Variants in CACNB4 observed in about 807,000 individuals in gnomAD.
CACNB4 encodes calcium voltage-gated channel auxiliary subunit beta 4, also known as voltage-dependent L-type calcium channel subunit beta-4.
A neutral mutation model predicts 71.2 loss-of-function variants in CACNB4; 32 were observed. The ratio of observed to expected loss-of-function variants is 0.45; its 90% CI spans 0.34 to 0.60. The LOEUF (loss-of-function observed/expected upper bound fraction) is 0.60. CACNB4 is among the 20% of genes least tolerant of loss of function. CACNB4 has a pLI of 0.01. For synonymous variants in CACNB4, 231 were observed against 236.9 expected (o/e 0.97, Z 0.23); for missense variants, 464 against 647.9 (o/e 0.72, Z 3.08).
At chr2:151,849,913 T>C (rs1048878915) in intron 12 of CACNB4, among the ~76,000 whole-genome samples, 2 of 152,124 alleles carry the variant, frequency 1.3e-5, no homozygotes, top group African/African-American at 4.8e-5. Flanking sequence ...TCTACGAAGT[T>C]TGATTGGAAC....
intron 2 of CACNB4, among the ~76,000 whole-genome samples, chr2:151,907,982 A>C (rs1519706): frequency 0.95 from 145,299 of 152,264 alleles, 69,696 homozygotes; most frequent in East Asian, 1. Context: ...GGGTCACAGG[A>C]GGATTGAAAG....
intron 2 of CACNB4, among the ~76,000 whole-genome samples, chr2:151,999,376 G>GTTTTTT (rs5835398): frequency 3.4e-5 from 5 of 147,544 alleles, no homozygotes; most frequent in Non-Finnish European, 4.5e-5. Flanking sequence ...CCCTGTTATG[G>GTTTTTT]TTTTTTTTTT....
chr2:151,910,033 C>T (rs546658394), intron 2 of CACNB4, among the ~76,000 whole-genome samples: 81 of 152,330 alleles, frequency 5.3e-4, no homozygotes, highest in South Asian at 2.1e-4. Context: ...TCCACAGCCT[C>T]GCCAGCATCT....
chr2:151,860,618 G>T, intron 10 of CACNB4, 93 bp downstream of exon 10: 1 of 867,368 alleles, frequency 1.2e-6, no homozygotes, highest in Admixed American at 1.8e-5. Context: ...GTTCAGAATG[G>T]GGAACAAATT....
chr2:152,006,039 G>A (rs1682706158), intron 2 of CACNB4, among the ~76,000 whole-genome samples: 2 of 152,214 alleles, frequency 1.3e-5, no homozygotes, highest in African/African-American at 4.8e-5. Context: ...TAGTGAAAGT[G>A]CATCAATTTT....
At chr2:152,055,088 C>T (rs1685655497) in intron 2 of CACNB4, among the ~76,000 whole-genome samples, 1 of 152,140 alleles carries the variant, frequency 6.6e-6, no homozygotes, top group Admixed American at 6.5e-5. Flanking sequence ...CTCAGCTCAC[C>T]GTAACCGCTG....
chr2:151,866,256 G>A (rs2099843080), intron 9 of CACNB4: 2 of 152,188 alleles, frequency 1.3e-5, no homozygotes, highest in Non-Finnish European at 2.9e-5. Context: ...CATCCAATTT[G>A]TTGAATTATT....
At chr2:151,961,041 T>A (rs556305391) in intron 2 of CACNB4, among the ~76,000 whole-genome samples, 17 of 152,316 alleles carry the variant, frequency 1.1e-4, no homozygotes, top group African/African-American at 3.6e-4. Context: ...CAAGCTACTA[T>A]CATCCATGTA....
intron 2 of CACNB4, among the ~76,000 whole-genome samples, chr2:151,912,436 T>C (rs1469063410): frequency 6.7e-6 from 1 of 149,738 alleles, no homozygotes; most frequent in South Asian, 2.1e-4. Flanking sequence ...CCAGGAGTCA[T>C]TCAGGAGCAG....
intron 2 of CACNB4, among the ~76,000 whole-genome samples, chr2:152,087,703 C>T (rs1687739875): frequency 6.6e-6 from 1 of 151,876 alleles, no homozygotes; most frequent in African/African-American, 2.4e-5. Context: ...CATAGCAAGA[C>T]CCCATCTCTA....
At chr2:152,051,260 G>T (rs1481109850) in intron 2 of CACNB4, among the ~76,000 whole-genome samples, 1 of 151,364 alleles carries the variant, frequency 6.6e-6, no homozygotes, top group Non-Finnish European at 1.5e-5. Context: ...CTTTTTTTTT[G>T]AACAGTATTA....
At chr2:152,048,071 G>A (rs1250199677) in intron 2 of CACNB4, among the ~76,000 whole-genome samples, 3 of 152,148 alleles carry the variant, frequency 2.0e-5, no homozygotes, top group Non-Finnish European at 4.4e-5. Flanking sequence ...CTGGGTGAGA[G>A]GACTCAAGTT....
At chr2:151,869,033 T>C in intron 9 of CACNB4, 144 bp downstream of exon 9, 1 of 583,946 alleles carries the variant, frequency 1.7e-6, no homozygotes, top group Non-Finnish European at 3.1e-6. Context: ...TCAGAGTTCT[T>C]TTATTATATT....
At chr2:152,043,190 C>T (rs1684966859) in intron 2 of CACNB4, among the ~76,000 whole-genome samples, 1 of 152,132 alleles carries the variant, frequency 6.6e-6, no homozygotes, top group Admixed American at 6.5e-5. Context: ...CTGAGCAGCC[C>T]GTGCCACTGC....
chr2:152,003,129 G>A (rs1271137605), intron 2 of CACNB4, among the ~76,000 whole-genome samples: 1 of 152,100 alleles, frequency 6.6e-6, no homozygotes, highest in Non-Finnish European at 1.5e-5. Flanking sequence ...TATACCATTT[G>A]CTTTATTATC....
intron 2 of CACNB4, among the ~76,000 whole-genome samples, chr2:152,092,419 A>G (rs989992291): frequency 1.3e-5 from 2 of 152,212 alleles, no homozygotes; most frequent in African/African-American, 4.8e-5. Flanking sequence ...TATCAACCTA[A>G]AAATCTGAAT....
At chr2:151,847,957 G>A (rs2099838033) in intron 12 of CACNB4, among the ~76,000 whole-genome samples, 1 of 152,126 alleles carries the variant, frequency 6.6e-6, no homozygotes, top group African/African-American at 2.4e-5. Flanking sequence ...GCCAGTAATT[G>A]GTGAGGTTAA....
At chr2:152,087,849 C>A (rs1355750074) in intron 2 of CACNB4, among the ~76,000 whole-genome samples, 4 of 152,050 alleles carry the variant, frequency 2.6e-5, no homozygotes, top group Non-Finnish European at 5.9e-5. Context: ...TGTGCCACTG[C>A]ACTCCAGCCT....
intron 9 of CACNB4, among the ~76,000 whole-genome samples, chr2:151,863,077 T>C (rs1019368266): frequency 8.6e-5 from 13 of 151,886 alleles, no homozygotes; most frequent in African/African-American, 3.1e-4. Context: ...TTTAATTTAA[T>C]TTTTTTGAGT....
Sources: gnomAD v4.1 joint callset for allele counts (sites outside exome capture counted in the v4.1 genomes callset) on GRCh38, gnomAD v4.1.1 for gene constraint, MANE v1.5 for transcripts, NCBI Gene and HGNC (gene_info 2026-07-23, HGNC 2026-07-21) for gene names.